ENOX1: variants seen among roughly 807,000 people sequenced by gnomAD.
The protein encoded by ENOX1 is candidate growth-related and time keeping constitutive hydroquinone (NADH) oxidase.
A neutral mutation model predicts 82.5 loss-of-function variants in ENOX1; 42 were observed. The ratio of observed to expected loss-of-function variants is 0.51; its 90% confidence interval spans 0.40 to 0.66. The LOEUF (loss-of-function observed/expected upper bound fraction) is 0.66. ENOX1 is among the 30% of genes least tolerant of loss of function. The pLI is 0.00. For synonymous variants in ENOX1, 271 were observed against 282.2 expected, an observed-to-expected ratio of 0.96 and a Z score of 0.40; for missense variants, 608 against 811.6, an observed-to-expected ratio of 0.75 and a Z score of 3.05.
At chr13:43,264,643 A>C (rs2044265435) in intron 14 of ENOX1, among the ~76,000 whole-genome samples, 1 of 152,170 alleles carries the variant, frequency 6.6e-6, no homozygotes, top group Non-Finnish European at 1.5e-5. Context: ...GTGTTCAGTG[A>C]AAAGAACTGC....
At chr13:43,517,011 T>G (rs922792520) in intron 2 of ENOX1, among the ~76,000 whole-genome samples, 1 of 152,198 alleles carries the variant, frequency 6.6e-6, no homozygotes, top group African/African-American at 2.4e-5. Flanking sequence ...ACAGAGCATA[T>G]TAATTTTTCC....
chr13:43,767,659 G>A (rs1045577033), intron 1 of ENOX1, among the ~76,000 whole-genome samples: 6 of 152,226 alleles, frequency 3.9e-5, no homozygotes, highest in African/African-American at 1.4e-4. Flanking sequence ...GAGCATCAGT[G>A]GGAAATAATG....
intron 5 of ENOX1, among the ~76,000 whole-genome samples, chr13:43,369,072 A>G (rs2051043476): frequency 6.6e-6 from 1 of 151,862 alleles, no homozygotes; most frequent in Non-Finnish European, 1.5e-5. Flanking sequence ...ATTTATCCCT[A>G]ATATGTTGAC....
At chr13:43,222,271 C>T (rs2041828134) in intron 16 of ENOX1, among the ~76,000 whole-genome samples, 1 of 151,944 alleles carries the variant, frequency 6.6e-6, no homozygotes, top group South Asian at 2.1e-4. Context: ...TTACCTGAGC[C>T]CTGAGGATAA....
At chr13:43,473,337 C>T (rs1593380050) in intron 3 of ENOX1, among the ~76,000 whole-genome samples, 1 of 152,196 alleles carries the variant, frequency 6.6e-6, no homozygotes, top group East Asian at 1.9e-4. Flanking sequence ...ACATTCTATT[C>T]CCTTAACTTT....
chr13:43,664,538 T>A (rs757441222), intron 2 of ENOX1, among the ~76,000 whole-genome samples: 1 of 152,252 alleles, frequency 6.6e-6, no homozygotes, highest in Non-Finnish European at 1.5e-5. Flanking sequence ...AGGCCCTACC[T>A]GCAGCCAGCA....
chr13:43,470,297 C>CGT lies in ENOX1; in HGVS notation c.-75+13711_-75+13712insAC, dbSNP rs1555289809. Among the ~76,000 whole-genome samples the CGT allele has an allele frequency of 5.5e-4, 21 of 37,894 alleles. 1 individual carries two copies. Among genetic ancestry groups the CGT allele is most frequent in the African/African-American group, 1.2e-3 (13 of 10,846 alleles). The allele number at this position is 37,894 out of a possible 152,430, so 24.9% of individuals were successfully genotyped here. A position where few individuals can be genotyped will look rare whatever the true frequency, so the allele number is the denominator to read the frequency against. ...ACATATATATACATATATATATACA[C>CGT]ATATATATACATATATATACACATA... is the stretch of plus-strand genomic sequence containing the variant. On this transcript the variant is annotated intron_variant, in intron 3 of 16. Coordinates refer to ENST00000690772, the MANE Select transcript of ENOX1 (RefSeq NM_001347969.2).
intron 12 of ENOX1, among the ~76,000 whole-genome samples, chr13:43,292,650 G>A (rs2046064315): frequency 6.6e-6 from 1 of 151,766 alleles, no homozygotes; most frequent in Non-Finnish European, 1.5e-5. Flanking sequence ...TAAAATATTA[G>A]TGAATATGCT....
At position 43,641,529 on chromosome 13, in the gene ENOX1, A is replaced by ATTTTTTTTTTTTT. The variant is rs769737189; in HGVS notation, c.-219+25937_-219+25949dup. Among the ~76,000 whole-genome samples, 128 of 83,106 alleles carry ATTTTTTTTTTTTT rather than the reference A, an allele frequency of 1.5e-3. 1 individual carries two copies. The highest frequency in any genetic ancestry group is 3.9e-3 in the East Asian group (9 of 2,328). The allele number at this position is 83,106 out of a possible 152,430, so 54.5% of individuals were successfully genotyped here. A position where few individuals can be genotyped will look rare whatever the true frequency, so the allele number is the denominator to read the frequency against. ...AGTAACAGAGTAACATTAATTTTTA[A>ATTTTTTTTTTTTT]TTTTTTTTTTTTTTTTTTTTTTTTG... On this transcript the variant is annotated intron_variant, in intron 2 of 16. Transcript: ENST00000690772.
chr13:43,756,945 G>C (rs535340361), intron 1 of ENOX1, among the ~76,000 whole-genome samples: 1 of 113,402 alleles, frequency 8.8e-6, no homozygotes, highest in Non-Finnish European at 1.7e-5. Flanking sequence ...TAGTGAGACT[G>C]TGTCTCAACA....
chr13:43,548,743 C>T (rs759560410), intron 2 of ENOX1, among the ~76,000 whole-genome samples: 7 of 152,140 alleles, frequency 4.6e-5, no homozygotes, highest in East Asian at 1.9e-4. Flanking sequence ...TAAGCTAAGA[C>T]GGGACGACCC....
chr13:43,266,613 G>A (rs1347356532), intron 13 of ENOX1, among the ~76,000 whole-genome samples: 1 of 152,158 alleles, frequency 6.6e-6, no homozygotes, highest in Non-Finnish European at 1.5e-5. Context: ...ATCATTGATG[G>A]TTCTACACAC....
At position 43,593,669 on chromosome 13, in the gene ENOX1, TACACACACACACACACACACAC is replaced by T. The variant is rs58120566; in HGVS notation, c.-219+73788_-219+73809del. Among the ~76,000 whole-genome samples, 425 of 69,246 alleles carry T rather than the reference TACACACACACACACACACACAC, an allele frequency of 6.1e-3. 18 individuals carry two copies. The highest frequency in any genetic ancestry group is 8.1e-3 in the Non-Finnish European group (287 of 35,454). 45.4% of individuals were successfully genotyped at this position (69,246 alleles called of 152,430 possible). On this transcript the variant is annotated intron_variant, in intron 2 of 16. Coordinates refer to ENST00000690772, the MANE Select transcript of ENOX1 (RefSeq NM_001347969.2). ...CCCCCACCCTGCCACCCAATCTCTGTACACACACACACACACACACACACACACACACACACACACACACACA... is the reference window on the plus strand; with the variant it reads ...CCCCCACCCTGCCACCCAATCTCTGTACACACACACACACACACACACACA...
At chr13:43,784,820 A>G (rs1175594369) in intron 1 of ENOX1, among the ~76,000 whole-genome samples, 3 of 152,266 alleles carry the variant, frequency 2.0e-5, no homozygotes, top group Non-Finnish European at 2.9e-5. Flanking sequence ...GCTTCTAAAG[A>G]TAAGAATTAC....
chr13:43,403,360 CTATAT>C (rs2053604854), intron 5 of ENOX1, among the ~76,000 whole-genome samples: 1 of 152,114 alleles, frequency 6.6e-6, no homozygotes, highest in African/African-American at 2.4e-5. Flanking sequence ...AGAAAAGTGA[CTATAT>C]TATATTAAGC....
At chr13:43,543,917 T>C (rs1018491919) in intron 2 of ENOX1, 15 of 135,406 alleles carry the variant, frequency 1.1e-4, no homozygotes, top group Admixed American at 2.2e-4. Flanking sequence ...CTTTTTCTTT[T>C]TTTTTTTTTT....
intron 2 of ENOX1, among the ~76,000 whole-genome samples, chr13:43,553,270 AT>A (rs1428477825): frequency 6.6e-6 from 1 of 152,248 alleles, no homozygotes; most frequent in East Asian, 1.9e-4. Flanking sequence ...GAAATCTTGC[AT>A]TGAGCAGTCA....
At chr13:43,291,826 G>A (rs1331556561) in intron 12 of ENOX1, among the ~76,000 whole-genome samples, 5 of 152,184 alleles carry the variant, frequency 3.3e-5, no homozygotes, top group African/African-American at 7.2e-5. Context: ...CAAAAACAAG[G>A]AGAAAGGAAA....
chr13:43,438,795 T>G (rs921720372), intron 3 of ENOX1, among the ~76,000 whole-genome samples: 2 of 152,146 alleles, frequency 1.3e-5, no homozygotes, highest in Non-Finnish European at 2.9e-5. Context: ...GATTCTGATT[T>G]AGTGGATCTG....
Sources: allele counts gnomAD v4.1 joint callset (sites outside exome capture counted in the v4.1 genomes callset), GRCh38; gene constraint gnomAD v4.1.1; transcripts MANE v1.5; gene names NCBI Gene and HGNC (gene_info 2026-07-23, HGNC 2026-07-21).